ARB2A: variants seen among roughly 807,000 people sequenced by gnomAD.
The protein encoded by ARB2A is ARB2 cotranscriptional regulator A.
At chr5:93,696,378 C>T in the ARB2A span, among the ~76,000 whole-genome samples, 4 of 152,168 alleles carry the variant, frequency 2.6e-5, no homozygotes, top group African/African-American at 9.7e-5. Flanking sequence ...TTGAAATAGT[C>T]TTCTTCCCTT....
At chr5:94,085,051 A>C in the ARB2A span, among the ~76,000 whole-genome samples, 1 of 152,180 alleles carries the variant, frequency 6.6e-6, no homozygotes, top group Non-Finnish European at 1.5e-5. Flanking sequence ...AATAATACAG[A>C]TTCTTATTCA....
chr5:93,976,672 C>T, the ARB2A span, among the ~76,000 whole-genome samples: 2 of 152,118 alleles, frequency 1.3e-5, no homozygotes, highest in African/African-American at 4.8e-5. Context: ...CCTTGCTTGC[C>T]CTTTGCTTTC....
the ARB2A span, among the ~76,000 whole-genome samples, chr5:94,096,347 TC>T: frequency 6.6e-6 from 1 of 152,238 alleles, no homozygotes; most frequent in Admixed American, 6.5e-5. Context: ...TTGTATGCCT[TC>T]ATTAACTTGG....
the ARB2A span, among the ~76,000 whole-genome samples, chr5:93,686,460 C>T: frequency 2.6e-5 from 4 of 152,140 alleles, no homozygotes; most frequent in African/African-American, 9.7e-5. Context: ...AGACATTCCC[C>T]CAATTTGACC....
the ARB2A span, among the ~76,000 whole-genome samples, chr5:93,974,026 C>T: frequency 6.6e-6 from 1 of 152,184 alleles, no homozygotes; most frequent in Non-Finnish European, 1.5e-5. Context: ...CGACACCACA[C>T]AGGAAGAAAA....
the ARB2A span, among the ~76,000 whole-genome samples, chr5:93,953,558 C>T: frequency 6.6e-6 from 1 of 152,156 alleles, no homozygotes; most frequent in East Asian, 1.9e-4. Context: ...CACAAGTACC[C>T]TGTGGCTGCC....
At chr5:94,054,144 T>G in the ARB2A span, among the ~76,000 whole-genome samples, 1 of 152,128 alleles carries the variant, frequency 6.6e-6, no homozygotes, top group African/African-American at 2.4e-5. Flanking sequence ...TTACTCACTT[T>G]CCCCTATTAG....
the ARB2A span, among the ~76,000 whole-genome samples, chr5:93,855,247 TAA>T: frequency 6.6e-6 from 1 of 152,204 alleles, no homozygotes; most frequent in African/African-American, 2.4e-5. Context: ...TTAGTTGGTT[TAA>T]AGTCTGTTTT....
the ARB2A span, among the ~76,000 whole-genome samples, chr5:94,066,422 G>GCGCACACA: frequency 7.5e-6 from 1 of 132,518 alleles, no homozygotes; most frequent in African/African-American, 2.7e-5. Flanking sequence ...GCCAGACTAA[G>GCGCACACA]CACACACACA....
the ARB2A span, among the ~76,000 whole-genome samples, chr5:93,848,748 A>C: frequency 6.6e-6 from 1 of 152,254 alleles, no homozygotes. Context: ...AAAGGGCTTC[A>C]AAGAATTCTC....
At chr5:93,828,077 C>A in the ARB2A span, among the ~76,000 whole-genome samples, 1 of 152,058 alleles carries the variant, frequency 6.6e-6, no homozygotes, top group African/African-American at 2.4e-5. Flanking sequence ...GATGTGGGCT[C>A]TTTTTTGGTT....
the ARB2A span, among the ~76,000 whole-genome samples, chr5:94,030,521 G>A: frequency 3.6e-4 from 55 of 152,338 alleles, no homozygotes; most frequent in Non-Finnish European, 6.6e-4. Context: ...TCCTTCTCAT[G>A]TGTGGAATCT....
chr5:93,958,940 C>T, the ARB2A span: 10 of 1,600,476 alleles, frequency 6.2e-6, no homozygotes, highest in East Asian at 4.5e-5. Flanking sequence ...AAAGATAAAA[C>T]TCTTTGGTTC....
chr5:93,912,413 C>T, the ARB2A span, among the ~76,000 whole-genome samples: 1 of 151,652 alleles, frequency 6.6e-6, no homozygotes, highest in Non-Finnish European at 1.5e-5. Context: ...GATATTAAAC[C>T]TCTGTCTGAT....
At chr5:93,786,434 T>A in the ARB2A span, among the ~76,000 whole-genome samples, 1 of 152,192 alleles carries the variant, frequency 6.6e-6, no homozygotes. Context: ...CACATTATAA[T>A]CCAATATGAT....
chr5:93,675,020 A>C, the ARB2A span, among the ~76,000 whole-genome samples: 1 of 152,186 alleles, frequency 6.6e-6, no homozygotes, highest in Non-Finnish European at 1.5e-5. Context: ...GAATACTGTA[A>C]TATTCTGCTT....
the ARB2A span, among the ~76,000 whole-genome samples, chr5:93,992,323 T>C: frequency 4.0e-5 from 6 of 151,746 alleles, no homozygotes; most frequent in African/African-American, 1.4e-4. Flanking sequence ...TAGAGAGAAG[T>C]AGAAATACAA....
chr5:93,810,150 T>G, the ARB2A span, among the ~76,000 whole-genome samples: 1 of 151,708 alleles, frequency 6.6e-6, no homozygotes, highest in Non-Finnish European at 1.5e-5. Context: ...CTTCACCAAT[T>G]AAAAATATCC....
chr5:93,854,371 C>T, the ARB2A span, among the ~76,000 whole-genome samples: 1 of 152,030 alleles, frequency 6.6e-6, no homozygotes. Context: ...GTCTTGCTAG[C>T]AGTCTATCAA....
Sources: gnomAD v4.1 joint callset for allele counts (sites outside exome capture counted in the v4.1 genomes callset) on GRCh38, gnomAD v4.1.1 for gene constraint, MANE v1.5 for transcripts, NCBI Gene and HGNC (gene_info 2026-07-23, HGNC 2026-07-21) for gene names.